Variants in SPMIP11 observed in about 807,000 individuals in gnomAD.
SPMIP11 encodes long intergenic non-protein coding RNA 935.
At chr12:48,765,558 CT>C in the SPMIP11 span, 1 of 702,408 alleles carries the variant, frequency 1.4e-6, no homozygotes, top group South Asian at 1.5e-5. Flanking sequence ...GGATCTCCTG[CT>C]CTCCAGCCTG....
the SPMIP11 span, among the ~76,000 whole-genome samples, chr12:48,749,076 A>G: frequency 6.6e-6 from 1 of 151,938 alleles, no homozygotes; most frequent in African/African-American, 2.4e-5. Context: ...AACCTGACCA[A>G]CATGGTGAAA....
the SPMIP11 span, among the ~76,000 whole-genome samples, chr12:48,742,900 T>G: frequency 2.3e-4 from 35 of 151,842 alleles, 1 homozygote; most frequent in East Asian, 5.7e-3. Flanking sequence ...AATAAATAAA[T>G]AAAAATAAAA....
chr12:48,734,222 A>C, the SPMIP11 span, among the ~76,000 whole-genome samples: 1 of 152,114 alleles, frequency 6.6e-6, no homozygotes, highest in South Asian at 2.1e-4. Flanking sequence ...CTCCCACTTC[A>C]GTTTCCTGAA....
chr12:48,728,778 C>A, the SPMIP11 span, among the ~76,000 whole-genome samples: 1 of 150,570 alleles, frequency 6.6e-6, no homozygotes. Flanking sequence ...AAGAGAGAAC[C>A]ATATTAAGTG....
chr12:48,762,664 G>A, the SPMIP11 span, among the ~76,000 whole-genome samples: 1 of 151,914 alleles, frequency 6.6e-6, no homozygotes. Flanking sequence ...CACTGCATCC[G>A]GCTCTTATAA....
chr12:48,734,287 T>A, the SPMIP11 span, among the ~76,000 whole-genome samples: 3 of 151,958 alleles, frequency 2.0e-5, no homozygotes, highest in African/African-American at 4.8e-5. Context: ...CCTGCTAATT[T>A]TTTTGTAAAG....
chr12:48,745,288 A>G, the SPMIP11 span, among the ~76,000 whole-genome samples: 2 of 151,926 alleles, frequency 1.3e-5, no homozygotes, highest in Non-Finnish European at 2.9e-5. Flanking sequence ...AAAAAAAAAA[A>G]AGAGAATAAA....
chr12:48,737,420 T>C, the SPMIP11 span, among the ~76,000 whole-genome samples: 1 of 150,688 alleles, frequency 6.6e-6, no homozygotes, highest in Admixed American at 6.6e-5. Context: ...TTTTAATTTT[T>C]TTTTTTTTTT....
At chr12:48,761,211 A>G in the SPMIP11 span, among the ~76,000 whole-genome samples, 1 of 151,892 alleles carries the variant, frequency 6.6e-6, no homozygotes. Context: ...CTTTAGGAAG[A>G]CGAGGCGGGC....
At chr12:48,756,779 C>CT in the SPMIP11 span, among the ~76,000 whole-genome samples, 269 of 141,010 alleles carry the variant, frequency 1.9e-3, 2 homozygotes, top group African/African-American at 5.2e-3. Flanking sequence ...TTCTTTTTTT[C>CT]TTTTTTTTTT....
At chr12:48,755,732 T>A in the SPMIP11 span, among the ~76,000 whole-genome samples, 1 of 152,202 alleles carries the variant, frequency 6.6e-6, no homozygotes, top group East Asian at 1.9e-4. Flanking sequence ...ATAGAGAACA[T>A]CATCTGCCTG....
chr12:48,755,791 CTG>C, the SPMIP11 span, among the ~76,000 whole-genome samples: 1 of 152,046 alleles, frequency 6.6e-6, no homozygotes, highest in East Asian at 1.9e-4. Flanking sequence ...GATTTCCTAA[CTG>C]TCACTTGAGC....
chr12:48,764,252 G>T, the SPMIP11 span, among the ~76,000 whole-genome samples: 1 of 152,066 alleles, frequency 6.6e-6, no homozygotes, highest in South Asian at 2.1e-4. Context: ...GCCTCCCAAA[G>T]TGCTGGAATT....
the SPMIP11 span, chr12:48,768,276 C>T: frequency 5.6e-5 from 24 of 428,448 alleles, no homozygotes; most frequent in African/African-American, 4.2e-4. Flanking sequence ...CATTTTAATC[C>T]CTCAGGCAAG....
At chr12:48,747,100 T>C in the SPMIP11 span, among the ~76,000 whole-genome samples, 3 of 152,158 alleles carry the variant, frequency 2.0e-5, no homozygotes, top group East Asian at 1.9e-4. Context: ...GAAAGTGCCG[T>C]AATGAGGAGT....
chr12:48,770,668 C>T, the SPMIP11 span: 1 of 1,251,024 alleles, frequency 8.0e-7, no homozygotes, highest in East Asian at 2.3e-5. Context: ...CCCACAGGAG[C>T]CCTGATGGGA....
the SPMIP11 span, among the ~76,000 whole-genome samples, chr12:48,753,933 C>A: frequency 6.6e-6 from 1 of 151,846 alleles, no homozygotes; most frequent in South Asian, 2.1e-4. Context: ...GAACTCCTGA[C>A]CTCAAGTGAT....
At chr12:48,755,162 T>A in the SPMIP11 span, among the ~76,000 whole-genome samples, 1 of 152,192 alleles carries the variant, frequency 6.6e-6, no homozygotes, top group East Asian at 1.9e-4. Context: ...CACCATTAAT[T>A]TGGAGGGATG....
At chr12:48,770,957 T>C in the SPMIP11 span, 1 of 1,613,984 alleles carries the variant, frequency 6.2e-7, no homozygotes, top group Non-Finnish European at 8.5e-7. Flanking sequence ...CCGGAACCGC[T>C]CCTCGCTGAT....
Sources: gnomAD v4.1 joint callset for allele counts (sites outside exome capture counted in the v4.1 genomes callset) on GRCh38, gnomAD v4.1.1 for gene constraint, MANE v1.5 for transcripts, NCBI Gene and HGNC (gene_info 2026-07-23, HGNC 2026-07-21) for gene names.